PLCB1: variants seen among roughly 807,000 people sequenced by gnomAD.
The protein encoded by PLCB1 is phospholipase C beta 1.
PLCB1 carries 46 observed loss-of-function variants against 161.8 expected under a neutral mutation model. The ratio of observed to expected loss-of-function variants is 0.28; its 90% CI spans 0.22 to 0.36. The LOEUF (loss-of-function observed/expected upper bound fraction) is 0.36. Ranked by LOEUF, PLCB1 falls within the 10% of genes least tolerant of loss-of-function variation. The pLI is 1.00. For missense variants in PLCB1, 1,016 were observed against 1,472.5 expected (o/e 0.69, Z 5.07); for synonymous variants, 517 against 503.7 (o/e 1.03, Z -0.35).
At chr20:8,683,474 GA>G (rs1166459096) in intron 9 of PLCB1, among the ~76,000 whole-genome samples, 1 of 151,964 alleles carries the variant, frequency 6.6e-6, no homozygotes, top group African/African-American at 2.4e-5. Flanking sequence ...TTGAAGCTTT[GA>G]TTGTCAAGAT....
At chr20:8,151,682 T>G (rs2051510065) in intron 2 of PLCB1, among the ~76,000 whole-genome samples, 2 of 152,292 alleles carry the variant, frequency 1.3e-5, no homozygotes, top group South Asian at 4.1e-4. Flanking sequence ...TTTGGGTGTT[T>G]TTTTCTTCTC....
intron 4 of PLCB1, among the ~76,000 whole-genome samples, chr20:8,639,162 G>A (rs1295964492): frequency 6.6e-6 from 1 of 152,188 alleles, no homozygotes; most frequent in Non-Finnish European, 1.5e-5. Flanking sequence ...AGAAGGGGCT[G>A]TCTGCAAAGA....
intron 3 of PLCB1, among the ~76,000 whole-genome samples, chr20:8,504,079 T>G (rs1199505215): frequency 6.6e-6 from 1 of 152,106 alleles, no homozygotes; most frequent in Admixed American, 6.6e-5. Context: ...TTGAAAGGCA[T>G]TGGTTTAATC....
intron 3 of PLCB1, among the ~76,000 whole-genome samples, chr20:8,493,360 G>C (rs1374452755): frequency 6.6e-6 from 1 of 152,068 alleles, no homozygotes; most frequent in African/African-American, 2.4e-5. Flanking sequence ...TCTATCATTG[G>C]TTAAAATTTT....
intron 11 of PLCB1, among the ~76,000 whole-genome samples, chr20:8,699,315 G>A (rs950961000): frequency 1.5e-4 from 23 of 152,174 alleles, no homozygotes; most frequent in African/African-American, 5.3e-4. Context: ...GGAGATCAGA[G>A]TACTGAGAAG....
chr20:8,363,907 G>A (rs1986623052), intron 2 of PLCB1, among the ~76,000 whole-genome samples: 3 of 152,284 alleles, frequency 2.0e-5, no homozygotes, highest in Admixed American at 2.0e-4. Flanking sequence ...AAAGACTAAT[G>A]AGATAATACA....
intron 2 of PLCB1, chr20:8,306,526 GTTA>G (rs1171281103): frequency 6.6e-6 from 1 of 152,170 alleles, no homozygotes; most frequent in African/African-American, 2.4e-5. Context: ...TGCAATCCTT[GTTA>G]TTTTCATCTG....
intron 3 of PLCB1, among the ~76,000 whole-genome samples, chr20:8,482,611 C>G (rs1450398421): frequency 6.6e-6 from 1 of 152,054 alleles, no homozygotes; most frequent in Non-Finnish European, 1.5e-5. Flanking sequence ...CCAGTGAATG[C>G]CAAAGAGTCC....
At chr20:8,629,789 CCTTT>C (rs1285897269) in intron 4 of PLCB1, among the ~76,000 whole-genome samples, 3 of 74,488 alleles carry the variant, frequency 4.0e-5, no homozygotes, top group South Asian at 4.5e-4. Context: ...TTCCTTCCTT[CCTTT>C]CTTTCTTTTC....
intron 3 of PLCB1, among the ~76,000 whole-genome samples, chr20:8,542,330 T>A (rs1413505115): frequency 6.6e-6 from 1 of 152,224 alleles, no homozygotes; most frequent in East Asian, 1.9e-4. Flanking sequence ...AGAGGTCAGC[T>A]GGAAGATTGG....
At chr20:8,440,643 G>C (rs1383357650) in intron 3 of PLCB1, among the ~76,000 whole-genome samples, 4 of 152,126 alleles carry the variant, frequency 2.6e-5, no homozygotes, top group African/African-American at 9.7e-5. Flanking sequence ...ACTTTGGAAG[G>C]GTTGGGGGAA....
At chr20:8,425,566 C>G (rs1239787588) in intron 3 of PLCB1, among the ~76,000 whole-genome samples, 1 of 151,758 alleles carries the variant, frequency 6.6e-6, no homozygotes, top group Non-Finnish European at 1.5e-5. Context: ...CTCTGAGTAG[C>G]AAAGTTCTAA....
chr20:8,195,603 C>A (rs1361377213), intron 2 of PLCB1, among the ~76,000 whole-genome samples: 1 of 151,994 alleles, frequency 6.6e-6, no homozygotes, highest in Admixed American at 6.6e-5. Flanking sequence ...AAACGAGAGA[C>A]CTAATTCAAA....
chr20:8,602,456 T>A (rs1182338497), intron 3 of PLCB1, among the ~76,000 whole-genome samples: 1 of 152,228 alleles, frequency 6.6e-6, no homozygotes, highest in Non-Finnish European at 1.5e-5. Flanking sequence ...TATCTATCCC[T>A]GTCCAAATAT....
At chr20:8,681,005 TACAA>T (rs1252390570) in intron 9 of PLCB1, among the ~76,000 whole-genome samples, 1 of 148,634 alleles carries the variant, frequency 6.7e-6, no homozygotes, top group Non-Finnish European at 1.5e-5. Flanking sequence ...AATACATACA[TACAA>T]ACACATACAC....
chr20:8,489,052 A>T (rs1982841579), intron 3 of PLCB1, among the ~76,000 whole-genome samples: 1 of 152,242 alleles, frequency 6.6e-6, no homozygotes, highest in Non-Finnish European at 1.5e-5. Context: ...ACTGATAAGC[A>T]GTATTTACAA....
At chr20:8,378,115 C>G (rs932997159) in intron 3 of PLCB1, among the ~76,000 whole-genome samples, 1 of 152,144 alleles carries the variant, frequency 6.6e-6, no homozygotes, top group East Asian at 1.9e-4. Context: ...CAACGTCCAT[C>G]GATGGATGAG....
intron 1 of PLCB1, among the ~76,000 whole-genome samples, chr20:8,135,912 T>G (rs1476983491): frequency 6.6e-6 from 1 of 152,144 alleles, no homozygotes; most frequent in Non-Finnish European, 1.5e-5. Context: ...TGATCTAAGC[T>G]AGGGAGCTTG....
intron 2 of PLCB1, among the ~76,000 whole-genome samples, chr20:8,229,065 G>T (rs1979863451): frequency 6.6e-6 from 1 of 151,900 alleles, no homozygotes; most frequent in Non-Finnish European, 1.5e-5. Flanking sequence ...TCACCCTCTA[G>T]TAGCCACTGT....
Sources: allele counts gnomAD v4.1 joint callset (sites outside exome capture counted in the v4.1 genomes callset), GRCh38; gene constraint gnomAD v4.1.1; transcripts MANE v1.5; gene names NCBI Gene and HGNC (gene_info 2026-07-23, HGNC 2026-07-21).